The following SSBP3 variants were observed in gnomAD, a reference collection of about 807,000 sequenced individuals.
The protein encoded by SSBP3 is single-stranded DNA-binding protein 3.
SSBP3 carries 5 observed loss-of-function variants against 69.6 expected under a neutral mutation model. That is an observed-to-expected ratio of 0.07 (90% CI 0.04 to 0.15). The LOEUF is 0.15. Ranked by LOEUF, SSBP3 falls within the 10% of genes least tolerant of loss-of-function variation. SSBP3 has a pLI of 1.00. For synonymous variants in SSBP3, 196 were observed against 193.4 expected (o/e 1.01, Z -0.11); for missense variants, 312 against 534.0 (o/e 0.58, Z 4.10).
intron 4 of SSBP3, among the ~76,000 whole-genome samples, chr1:54,311,092 G>A (rs1215144238): frequency 1.3e-5 from 2 of 152,160 alleles, no homozygotes; most frequent in African/African-American, 2.4e-5. Context: ...TCTTTAGCCT[G>A]CTGACCAGAG....
At chr1:54,369,255 G>C (rs180820577) in intron 4 of SSBP3, among the ~76,000 whole-genome samples, 1 of 144,164 alleles carries the variant, frequency 6.9e-6, no homozygotes, top group Admixed American at 6.9e-5. Flanking sequence ...TGGGAAAGGC[G>C]AGGGTTTGAG....
intron 14 of SSBP3, chr1:54,238,470 T>G (rs1057455917): frequency 2.6e-6 from 1 of 382,128 alleles, no homozygotes. Context: ...GGGAAGCAGA[T>G]CAGGCCCCGA....
chr1:54,366,145 T>C (rs1647026554), intron 4 of SSBP3, among the ~76,000 whole-genome samples: 2 of 152,210 alleles, frequency 1.3e-5, no homozygotes, highest in African/African-American at 4.8e-5. Context: ...TGCTCCCCAG[T>C]GGAGCCTGGA....
chr1:54,253,535 G>C (rs1644869047), intron 7 of SSBP3, among the ~76,000 whole-genome samples: 1 of 152,130 alleles, frequency 6.6e-6, no homozygotes, highest in Admixed American at 6.5e-5. Flanking sequence ...CTGCCTGGGG[G>C]TGCTCAGCGT....
chr1:54,257,037 C>T, intron 7 of SSBP3, 90 bp downstream of exon 7: 1 of 1,371,550 alleles, frequency 7.3e-7, no homozygotes, highest in Non-Finnish European at 1.0e-6. Context: ...ACCCCTCAAT[C>T]CTTTCCCTCA....
chr1:54,252,445 T>C (rs989961614), intron 7 of SSBP3, among the ~76,000 whole-genome samples: 3 of 152,110 alleles, frequency 2.0e-5, no homozygotes, highest in Non-Finnish European at 4.4e-5. Flanking sequence ...CAGTCACAGG[T>C]TGCAGAGCCA....
intron 4 of SSBP3, among the ~76,000 whole-genome samples, chr1:54,307,731 G>A (rs1201775853): frequency 6.6e-6 from 1 of 152,150 alleles, no homozygotes; most frequent in African/African-American, 2.4e-5. Context: ...GGCGACAAGA[G>A]TGACCTCTGG....
chr1:54,228,067 C>T (rs763155448), intron 17 of SSBP3, among the ~76,000 whole-genome samples, 188 bp downstream of exon 17: 5 of 152,220 alleles, frequency 3.3e-5, no homozygotes, highest in Admixed American at 6.5e-5. Context: ...GAAGGCCCCA[C>T]CAGCAGGCAG....
At chr1:54,381,382 CAAAAAA>C (rs59809996) in intron 4 of SSBP3, among the ~76,000 whole-genome samples, 13 of 69,456 alleles carry the variant, frequency 1.9e-4, no homozygotes, top group South Asian at 7.1e-4. Flanking sequence ...TACACCATCT[CAAAAAA>C]AAAAAAAAAA....
At chr1:54,291,763 A>G (rs959039917) in intron 4 of SSBP3, among the ~76,000 whole-genome samples, 1 of 152,234 alleles carries the variant, frequency 6.6e-6, no homozygotes, top group African/African-American at 2.4e-5. Flanking sequence ...ATTGGACCCA[A>G]CAACACTACG....
At chr1:54,336,822 G>A (rs1040652023) in intron 4 of SSBP3, among the ~76,000 whole-genome samples, 13 of 152,280 alleles carry the variant, frequency 8.5e-5, no homozygotes, top group East Asian at 1.9e-4. Context: ...GAAGGCACAC[G>A]TTAGGTCAGG....
At chr1:54,240,100 G>GCA (rs1557448955) in intron 13 of SSBP3, among the ~76,000 whole-genome samples, 10 of 9,172 alleles carry the variant, frequency 1.1e-3, no homozygotes, top group Non-Finnish European at 2.1e-3. Flanking sequence ...GCGCGCGCGC[G>GCA]TGTGCGTGCG....
intron 4 of SSBP3, among the ~76,000 whole-genome samples, chr1:54,364,445 T>G (rs896026329): frequency 6.6e-6 from 1 of 152,246 alleles, no homozygotes; most frequent in African/African-American, 2.4e-5. Context: ...AGAGCCAGTC[T>G]GCTAGAAGGA....
At chr1:54,328,202 CG>C (rs1646345488) in intron 4 of SSBP3, among the ~76,000 whole-genome samples, 1 of 152,032 alleles carries the variant, frequency 6.6e-6, no homozygotes, top group Non-Finnish European at 1.5e-5. Context: ...GGGCCCGCAG[CG>C]AACAATGAGT....
intron 14 of SSBP3, chr1:54,238,837 A>C (rs2274662): frequency 0.64 from 263,732 of 409,576 alleles, 87,679 homozygotes; most frequent in African/African-American, 0.78. Flanking sequence ...CACCTACAGC[A>C]TGGCGCTTCC....
chr1:54,341,710 T>TG lies in SSBP3; in HGVS notation c.276+60150dup, dbSNP rs565163615. On this transcript the variant is annotated intron_variant, in intron 4 of 17. Coordinates refer to ENST00000610401, the Ensembl canonical transcript of SSBP3. ...ACCCTAAAACTTAAAGTATAATGAT[T>TG]GAAAAAAAAAAAAAGAAGTCCTGGG... Among the ~76,000 whole-genome samples, 163 of 145,446 alleles carry TG rather than the reference T, an allele frequency of 1.1e-3. 4 individuals carry two copies. The South Asian group carries it at 0.029, about 26-fold the overall frequency.
intron 4 of SSBP3, among the ~76,000 whole-genome samples, chr1:54,351,968 G>A (rs1569902569): frequency 6.6e-6 from 1 of 152,182 alleles, no homozygotes; most frequent in Admixed American, 6.5e-5. Context: ...CAAACCAACA[G>A]GCTTCCACAG....
intron 4 of SSBP3, among the ~76,000 whole-genome samples, chr1:54,355,372 C>G (rs1454394632): frequency 6.6e-6 from 1 of 152,172 alleles, no homozygotes; most frequent in East Asian, 1.9e-4. Flanking sequence ...TTTTTTGAGA[C>G]AGGGTCTCAC....
At chr1:54,264,614 C>T (rs992106895) in intron 5 of SSBP3, among the ~76,000 whole-genome samples, 1 of 152,210 alleles carries the variant, frequency 6.6e-6, no homozygotes, top group Non-Finnish European at 1.5e-5. Context: ...CTGGCCTTGT[C>T]GCCCTGGGTC....
Sources: gnomAD v4.1 joint callset for allele counts (sites outside exome capture counted in the v4.1 genomes callset) on GRCh38, gnomAD v4.1.1 for gene constraint, MANE v1.5 for transcripts, NCBI Gene and HGNC (gene_info 2026-07-23, HGNC 2026-07-21) for gene names.